The following SLC25A21 variants were observed in gnomAD, a reference collection of about 807,000 sequenced individuals.
SLC25A21 encodes solute carrier family 25 member 21.
A neutral mutation model predicts 43.8 loss-of-function variants in SLC25A21; 47 were observed. The ratio of observed to expected loss-of-function variants is 1.07; its 90% CI spans 0.85 to 1.37. The LOEUF (loss-of-function observed/expected upper bound fraction) is 1.37. Ranked by LOEUF, SLC25A21 falls within the 40% of genes most tolerant of loss-of-function variation. SLC25A21 has a pLI of 0.00. For missense variants in SLC25A21, 352 were observed against 350.2 expected, an observed-to-expected ratio of 1.00 and a Z score of -0.04; for synonymous variants, 131 against 121.3, an observed-to-expected ratio of 1.08 and a Z score of -0.52.
At chr14:37,031,331 A>T (rs1345399778) in intron 1 of SLC25A21, among the ~76,000 whole-genome samples, 3 of 152,176 alleles carry the variant, frequency 2.0e-5, no homozygotes, top group South Asian at 2.1e-4. Context: ...TCATGAAAAA[A>T]TTTTTAAAAA....
intron 1 of SLC25A21, among the ~76,000 whole-genome samples, chr14:37,064,144 C>T (rs1363535457): frequency 6.6e-6 from 1 of 152,114 alleles, no homozygotes; most frequent in African/African-American, 2.4e-5. Flanking sequence ...ACAGAGAAGA[C>T]AAATTATCTC....
intron 3 of SLC25A21, chr14:36,788,606 G>T (rs913758870): frequency 1.3e-5 from 2 of 149,184 alleles, no homozygotes; most frequent in Non-Finnish European, 3.0e-5. Flanking sequence ...AAACAAAAAG[G>T]CTCCAAATAT....
At chr14:37,034,837 G>A (rs1283142581) in intron 1 of SLC25A21, among the ~76,000 whole-genome samples, 2 of 152,232 alleles carry the variant, frequency 1.3e-5, no homozygotes, top group African/African-American at 4.8e-5. Flanking sequence ...GGAGGGGTGA[G>A]TTGAGCTCCC....
At chr14:37,122,044 C>T (rs1963218673) in intron 1 of SLC25A21, among the ~76,000 whole-genome samples, 1 of 152,098 alleles carries the variant, frequency 6.6e-6, no homozygotes, top group Non-Finnish European at 1.5e-5. Context: ...GGTACTCAAC[C>T]ACCTTATCTC....
At chr14:37,050,288 T>C (rs1961676611) in intron 1 of SLC25A21, among the ~76,000 whole-genome samples, 1 of 152,248 alleles carries the variant, frequency 6.6e-6, no homozygotes. Flanking sequence ...ACTCCATACA[T>C]GGCATTTTCT....
In SLC25A21 at chr14:37,056,423, G is replaced by A. The variant is rs527318601; in HGVS notation, c.70+115858C>T. On this transcript the variant is annotated intron_variant, in intron 1 of 9. Coordinates refer to ENST00000331299, the MANE Select transcript of SLC25A21 (RefSeq NM_030631.4). ...GAGAATGGCGTGAACCCCGGGGGGC[G>A]GAGTGTGCAGTGAGCCGAGATCGCG... Among the ~76,000 whole-genome samples, 18 of 151,562 alleles carry A rather than the reference G, an allele frequency of 1.2e-4. 1 individual carries two copies. The South Asian group carries it at 1.7e-3, about 14-fold the overall frequency.
In SLC25A21 at chr14:37,006,117, A is replaced by T. The variant is rs143949987; in HGVS notation, c.71-131113T>A. On this transcript the variant is annotated intron_variant, in intron 1 of 9. Transcript: ENST00000331299. ...AAGGTATAAAAATAATTTTCTAAGT[A>T]ATGATAAATGTATCACATTCTTGGC... 3.5e-4 allele frequency among the ~76,000 whole-genome samples: 53 copies of T among 152,306 alleles called. 2 individuals are homozygous for T. Among genetic ancestry groups the T allele is most frequent in the African/African-American group, 1.3e-3 (52 of 41,584 alleles).
chr14:36,679,983 A>AATTTTAACAG lies in SLC25A21; in HGVS notation c.*674_*675insCTGTTAAAAT. On this transcript the variant is annotated 3_prime_UTR_variant, in exon 10 of 10. Transcript: ENST00000331299. Reference sequence around the variant, plus strand: ...GTGTTTTAACATTCTGTTTTAAACAATGTTTTAAAATACCTATTTATTATC... The same window carrying AATTTTAACAG: ...GTGTTTTAACATTCTGTTTTAAACAAATTTTAACAGTGTTTTAAAATACCTATTTATTATC... 1 of 849,818 alleles carries AATTTTAACAG rather than the reference A, an allele frequency of 1.2e-6. No homozygotes were observed. The highest frequency in any genetic ancestry group is 1.4e-6 in the Non-Finnish European group (1 of 719,382). The allele number at this position is 849,818 out of a possible 1,614,324, so 52.6% of individuals were successfully genotyped here. A position where few individuals can be genotyped will look rare whatever the true frequency, so the allele number is the denominator to read the frequency against.
rs189026171 is a variant in SLC25A21 at position 36,733,436 on chromosome 14, A to G, written c.270+1071T>C. ...AACAAAGAGGGTGAGTTTATAGAGA[A>G]AGTATGTTCTAAAGCTTTGTTTTCC... On this transcript the variant is annotated intron_variant, in intron 4 of 9. Transcript: ENST00000331299. 2.0e-5 allele frequency among the ~76,000 whole-genome samples: 3 copies of G among 152,342 alleles called. No individual in the cohort carries two copies. The East Asian group carries it at 5.8e-4, about 29-fold the overall frequency.
chr14:36,702,475 C>CAAAAAAAAAAAA (rs1213350246), intron 7 of SLC25A21, among the ~76,000 whole-genome samples: 2 of 66,154 alleles, frequency 3.0e-5, no homozygotes, highest in African/African-American at 1.2e-4. Flanking sequence ...CCTGTCTCCA[C>CAAAAAAAAAAAA]AAAAAAAAAA....
In SLC25A21 at chr14:36,699,660, T is replaced by C. The variant is rs537309584; in HGVS notation, c.603+11658A>G. Among the ~76,000 whole-genome samples the C allele has an allele frequency of 2.0e-5, 3 of 152,290 alleles. No homozygotes were observed. In the South Asian group the frequency reaches 6.2e-4, roughly 32 times the overall value. ...CTACTCAAGCCTAAGCGATGGTGGA[T>C]GTCCCTCCCCCAGCCAGGCTGCCAC... On this transcript the variant is annotated intron_variant, in intron 7 of 9. Transcript: ENST00000331299.
intron 3 of SLC25A21, among the ~76,000 whole-genome samples, chr14:36,763,681 T>C (rs1335087353): frequency 6.6e-6 from 1 of 151,962 alleles, no homozygotes; most frequent in Non-Finnish European, 1.5e-5. Flanking sequence ...TCAGACACAG[T>C]AGAGCACACC....
intron 3 of SLC25A21, among the ~76,000 whole-genome samples, chr14:36,763,232 T>C (rs952117883): frequency 1.3e-5 from 2 of 152,236 alleles, no homozygotes; most frequent in African/African-American, 4.8e-5. Flanking sequence ...GAGGCCCAGA[T>C]CTGAGTTTTT....
intron 1 of SLC25A21, among the ~76,000 whole-genome samples, chr14:37,134,286 C>A (rs1249988615): frequency 6.6e-6 from 1 of 152,008 alleles, no homozygotes; most frequent in East Asian, 1.9e-4. Context: ...ATGATGAGTC[C>A]TTTTATATCA....
intron 1 of SLC25A21, among the ~76,000 whole-genome samples, chr14:36,985,075 A>G (rs796513890): frequency 3.3e-5 from 5 of 151,466 alleles, no homozygotes; most frequent in African/African-American, 1.2e-4. Flanking sequence ...CTATCACAAG[A>G]ACAAAAAACC....
chr14:36,739,731 G>T (rs1885179214), intron 3 of SLC25A21, among the ~76,000 whole-genome samples: 1 of 151,624 alleles, frequency 6.6e-6, no homozygotes, highest in African/African-American at 2.4e-5. Context: ...GTCAATGTGG[G>T]AGAATGTTGG....
chr14:37,013,364 T>G (rs1365741331), intron 1 of SLC25A21, among the ~76,000 whole-genome samples: 2 of 152,156 alleles, frequency 1.3e-5, no homozygotes, highest in Non-Finnish European at 2.9e-5. Context: ...GGTGACCTCT[T>G]ACTGGGTTTG....
At chr14:36,790,385 G>A (rs752606808) in intron 3 of SLC25A21, among the ~76,000 whole-genome samples, 4 of 151,992 alleles carry the variant, frequency 2.6e-5, no homozygotes, top group East Asian at 3.9e-4. Context: ...TTCTGCCTTC[G>A]AAGTTCTGCC....
intron 2 of SLC25A21, among the ~76,000 whole-genome samples, chr14:36,850,431 A>T (rs919773933): frequency 2.0e-5 from 3 of 151,760 alleles, no homozygotes; most frequent in African/African-American, 7.3e-5. Flanking sequence ...CAAAGCTAAA[A>T]TTTTTTTTTA....
Sources: allele counts gnomAD v4.1 joint callset (sites outside exome capture counted in the v4.1 genomes callset), GRCh38; gene constraint gnomAD v4.1.1; transcripts MANE v1.5; gene names NCBI Gene and HGNC (gene_info 2026-07-23, HGNC 2026-07-21).